CAST: variants seen among roughly 807,000 people sequenced by gnomAD.
The protein encoded by CAST is calpastatin, also known as MIR583 host.
In CAST, 76 loss-of-function variants were observed where a neutral mutation model predicts 119.6. The observed-to-expected ratio is 0.64, with a 90% CI of 0.53 to 0.77. The LOEUF (loss-of-function observed/expected upper bound fraction) is 0.77, where lower values mean the gene tolerates loss of function less well. Among genes scored for constraint, CAST ranks in the 30% least tolerant of loss-of-function variants. The pLI, the probability that CAST is intolerant of heterozygous loss-of-function variation, is 0.00. For synonymous variants in CAST, 319 were observed against 331.6 expected, an observed-to-expected ratio of 0.96 and a Z score of 0.41; for missense variants, 953 against 946.5, an observed-to-expected ratio of 1.01 and a Z score of -0.09.
chr5:96,181,460 T>A, the CAST span, among the ~76,000 whole-genome samples: 4 of 152,182 alleles, frequency 2.6e-5, no homozygotes, highest in Non-Finnish European at 5.9e-5. Context: ...CAAATGGTCT[T>A]GGAGAGCCAC....
At chr5:96,753,551 T>A (rs1423356500) in intron 20 of CAST, among the ~76,000 whole-genome samples, 1 of 152,012 alleles carries the variant, frequency 6.6e-6, no homozygotes, top group Non-Finnish European at 1.5e-5. Context: ...ACAGGCAGAG[T>A]CATCAGAACC....
the CAST span, among the ~76,000 whole-genome samples, chr5:96,378,954 T>G: frequency 6.6e-6 from 1 of 152,182 alleles, no homozygotes; most frequent in Non-Finnish European, 1.5e-5. Flanking sequence ...ACAAATAATT[T>G]CTTGTATTAT....
intron 19 of CAST, 114 bp downstream of exon 19, chr5:96,748,727 GT>G (rs1412991127): frequency 1.5e-5 from 8 of 551,584 alleles, no homozygotes; most frequent in Non-Finnish European, 2.3e-5. Context: ...ATATGCCATC[GT>G]TTTTTCCATG....
At chr5:96,396,064 C>G in the CAST span, among the ~76,000 whole-genome samples, 1 of 152,024 alleles carries the variant, frequency 6.6e-6, no homozygotes, top group South Asian at 2.1e-4. Context: ...GAATAGAGGC[C>G]AAATTCAAGA....
intron 1 of CAST, among the ~76,000 whole-genome samples, chr5:96,579,338 C>T (rs1372316832): frequency 6.6e-6 from 1 of 152,144 alleles, no homozygotes; most frequent in African/African-American, 2.4e-5. Context: ...ATCCCTCTTG[C>T]CAGTTTCTCC....
the CAST span, among the ~76,000 whole-genome samples, chr5:96,342,471 G>A: frequency 2.6e-5 from 4 of 152,260 alleles, no homozygotes; most frequent in Non-Finnish European, 5.9e-5. Flanking sequence ...TGAGGCTGGG[G>A]CTGCTGATCT....
chr5:95,992,925 G>GA, the CAST span, among the ~76,000 whole-genome samples: 547 of 151,642 alleles, frequency 3.6e-3, 4 homozygotes, highest in Non-Finnish European at 6.2e-3. Flanking sequence ...AAACAATTTT[G>GA]AAAAAAAATG....
chr5:96,343,679 T>C, the CAST span, among the ~76,000 whole-genome samples: 1 of 152,188 alleles, frequency 6.6e-6, no homozygotes, highest in East Asian at 1.9e-4. Flanking sequence ...ATTTATGAAA[T>C]GCATTTCAAA....
the CAST span, among the ~76,000 whole-genome samples, chr5:96,052,261 G>A: frequency 2.0e-5 from 3 of 152,216 alleles, no homozygotes; most frequent in Non-Finnish European, 4.4e-5. Context: ...CCTTTGGCAA[G>A]CCCAGCTCTT....
At position 96,584,544 on chromosome 5, in the gene CAST, T is replaced by C. The variant is rs919048511; in HGVS notation, c.60+54664T>C. ...ATTGTATCAGGAAAATAAAACAAAA[T>C]CACTCCAGTTATTTTAACAGACAAA... On this transcript the variant is annotated intron_variant, in intron 1 of 11. Coordinates refer to the CAST transcript ENST00000505143. The C allele has an allele frequency of 7.9e-5, 12 of 152,298 alleles. 1 individual carries two copies. The highest frequency in any genetic ancestry group is 2.9e-4 in the African/African-American group (12 of 41,566). The allele number at this position is 152,298 out of a possible 1,614,324, so 9.4% of individuals were successfully genotyped here.
At chr5:96,304,380 T>G in the CAST span, among the ~76,000 whole-genome samples, 2 of 152,238 alleles carry the variant, frequency 1.3e-5, no homozygotes, top group South Asian at 4.1e-4. Context: ...TTACAAAAAT[T>G]TTCTCCCATT....
chr5:96,149,975 A>G, the CAST span, among the ~76,000 whole-genome samples: 1 of 152,198 alleles, frequency 6.6e-6, no homozygotes, highest in Non-Finnish European at 1.5e-5. Flanking sequence ...CTTTAGTAAA[A>G]TGGTGACTGT....
the CAST span, among the ~76,000 whole-genome samples, chr5:96,089,980 G>C: frequency 6.6e-6 from 1 of 152,094 alleles, no homozygotes; most frequent in Non-Finnish European, 1.5e-5. Context: ...CTAATTAGCT[G>C]TGTGACACTC....
chr5:96,579,615 T>C (rs1561421770), intron 1 of CAST, among the ~76,000 whole-genome samples: 1 of 152,164 alleles, frequency 6.6e-6, no homozygotes, highest in Non-Finnish European at 1.5e-5. Context: ...GCCCATAAGA[T>C]GCCATTCCGC....
At chr5:96,186,948 G>A in the CAST span, among the ~76,000 whole-genome samples, 6 of 152,108 alleles carry the variant, frequency 3.9e-5, no homozygotes, top group South Asian at 2.1e-4. Flanking sequence ...TTGTACATCC[G>A]GTAGAATTCA....
the CAST span, among the ~76,000 whole-genome samples, chr5:96,299,056 A>G: frequency 6.6e-6 from 1 of 151,938 alleles, no homozygotes; most frequent in South Asian, 2.1e-4. Flanking sequence ...CTTGGCCAAC[A>G]TGATGAAACT....
intron 2 of CAST, among the ~76,000 whole-genome samples, chr5:96,687,442 A>G (rs1752209315): frequency 2.0e-5 from 3 of 152,232 alleles, no homozygotes; most frequent in African/African-American, 7.2e-5. Flanking sequence ...CCAGTTGTTT[A>G]TTGATAAATG....
chr5:95,968,712 A>G, the CAST span, among the ~76,000 whole-genome samples: 1 of 152,274 alleles, frequency 6.6e-6, no homozygotes, highest in Middle Eastern at 3.4e-3. Flanking sequence ...ATTCTCATTC[A>G]GCTGTTTATT....
chr5:96,479,633 A>G, the CAST span, among the ~76,000 whole-genome samples: 35 of 152,022 alleles, frequency 2.3e-4, 1 homozygote, highest in Admixed American at 2.2e-3. Context: ...TGTTTTGAGT[A>G]GGGACGGGGT....
Sources: gnomAD v4.1 joint callset for allele counts (sites outside exome capture counted in the v4.1 genomes callset) on GRCh38, gnomAD v4.1.1 for gene constraint, MANE v1.5 for transcripts, NCBI Gene and HGNC (gene_info 2026-07-23, HGNC 2026-07-21) for gene names.